The following CCDC146 variants were observed in gnomAD, a reference collection of about 807,000 sequenced individuals.
CCDC146 encodes coiled-coil domain containing 146, also known as coiled-coil domain-containing protein 146.
A neutral mutation model predicts 119.3 loss-of-function variants in CCDC146; 92 were observed. The ratio of observed to expected loss-of-function variants is 0.77; its 90% confidence interval spans 0.65 to 0.92. The LOEUF (loss-of-function observed/expected upper bound fraction) is 0.92. Ranked by LOEUF, CCDC146 falls within the 40% of genes least tolerant of loss-of-function variation. The probability of loss-of-function intolerance (pLI) is 0.00; values close to 1 mark genes in which losing one functional copy is unlikely to be tolerated. For missense variants in CCDC146, 1,000 were observed against 1,103.0 expected (o/e 0.91, Z 1.32); for synonymous variants, 372 against 371.8 (o/e 1.00, Z -0.01).
chr7:77,147,961 G>T (rs1252863639), intron 1 of CCDC146, among the ~76,000 whole-genome samples: 2 of 152,234 alleles, frequency 1.3e-5, no homozygotes, highest in Non-Finnish European at 2.9e-5. Flanking sequence ...ATTTAAGTCT[G>T]CAGAGGTTTC....
chr7:77,274,324 C>T lies in CCDC146; in HGVS notation c.1270-158C>T, dbSNP rs1793583727. ...GCCTCAAGTCATCATCCTGCCTCAG[C>T]CTCCCAAAGGCTTGAATTACAGGCG... On this transcript the variant is annotated intron_variant, in intron 10 of 18. Transcript: ENST00000285871. 2.0e-5 allele frequency among the ~76,000 whole-genome samples: 3 copies of T among 152,156 alleles called. No homozygotes were observed. In the South Asian group the frequency reaches 6.2e-4, roughly 32 times the overall value.
intron 2 of CCDC146, among the ~76,000 whole-genome samples, chr7:77,187,597 A>G (rs971894776): frequency 6.6e-6 from 1 of 152,184 alleles, no homozygotes; most frequent in South Asian, 2.1e-4. Flanking sequence ...TGGTGTCCTC[A>G]TGGTCACACA....
chr7:77,253,109 T>G (rs4729253), intron 4 of CCDC146, among the ~76,000 whole-genome samples: 11,267 of 152,292 alleles, frequency 0.074, 761 homozygotes, highest in East Asian at 0.28. Context: ...CCACCTGGAC[T>G]GCTTATGAGT....
intron 4 of CCDC146, among the ~76,000 whole-genome samples, chr7:77,243,272 T>C (rs17149272): frequency 0.025 from 3,801 of 152,238 alleles, 145 homozygotes; most frequent in East Asian, 0.15. Context: ...TTCACTGAGA[T>C]GGGAAGGAGA....
At chr7:77,292,474 G>A (rs1440452254) in intron 17 of CCDC146, among the ~76,000 whole-genome samples, 3 of 151,144 alleles carry the variant, frequency 2.0e-5, no homozygotes, top group African/African-American at 7.3e-5. Flanking sequence ...AAAATTAGCC[G>A]GGTATGGTGT....
intron 14 of CCDC146, 146 bp from the exon 15 acceptor site, chr7:77,282,411 T>C: frequency 1.6e-6 from 1 of 613,764 alleles, no homozygotes; most frequent in South Asian, 2.2e-5. Flanking sequence ...GTAATTTAAC[T>C]AGAAAGCCAT....
intron 2 of CCDC146, among the ~76,000 whole-genome samples, chr7:77,207,223 T>C (rs1460475584): frequency 6.6e-6 from 1 of 152,214 alleles, no homozygotes; most frequent in Non-Finnish European, 1.5e-5. Flanking sequence ...CATTCTGAGG[T>C]ATAGCATTAT....
intron 2 of CCDC146, among the ~76,000 whole-genome samples, chr7:77,178,923 C>G (rs1791540406): frequency 1.3e-5 from 2 of 151,964 alleles, no homozygotes; most frequent in Non-Finnish European, 2.9e-5. Context: ...AATAAAATAC[C>G]TTTTTCAACA....
chr7:77,173,734 G>A (rs993441314), intron 2 of CCDC146, among the ~76,000 whole-genome samples: 24 of 152,120 alleles, frequency 1.6e-4, no homozygotes, highest in Admixed American at 4.6e-4. Context: ...GGCCATTGCT[G>A]CGTAACTATG....
intron 1 of CCDC146, among the ~76,000 whole-genome samples, chr7:77,160,174 T>G (rs1394083948): frequency 1.3e-5 from 2 of 152,202 alleles, no homozygotes; most frequent in African/African-American, 2.4e-5. Context: ...TACTGTAGCC[T>G]TGTAGTATAG....
At chr7:77,259,982 GTGTGT>G in intron 7 of CCDC146, 22 bp from the exon 8 acceptor site, 1 of 820,696 alleles carries the variant, frequency 1.2e-6, no homozygotes, top group East Asian at 2.5e-5. Context: ...GTGTGTGTGT[GTGTGT>G]GTGTGTGTGT....
At chr7:77,144,752 T>G (rs1442648777) in intron 1 of CCDC146, among the ~76,000 whole-genome samples, 1 of 151,888 alleles carries the variant, frequency 6.6e-6, no homozygotes, top group African/African-American at 2.4e-5. Context: ...CAGCCTTGCA[T>G]TCCAGGGATG....
intron 2 of CCDC146, among the ~76,000 whole-genome samples, chr7:77,212,588 T>C (rs893032021): frequency 2.4e-5 from 3 of 122,480 alleles, no homozygotes; most frequent in African/African-American, 9.8e-5. Flanking sequence ...GCCACTGCAC[T>C]CCAGCCTGGG....
intron 1 of CCDC146, among the ~76,000 whole-genome samples, chr7:77,132,568 A>AAAG (rs1554345366): frequency 3.5e-5 from 5 of 142,816 alleles, no homozygotes; most frequent in Non-Finnish European, 7.7e-5. Flanking sequence ...AAAAAAAAAA[A>AAAG]AAAGAAAGAA....
rs753077564 is a variant in CCDC146, at chr7:77,278,921, C to T, written c.1530-16C>T. On this transcript the variant is annotated splice_polypyrimidine_tract_variant and intron_variant, in intron 12 of 18. Transcript: ENST00000285871. ...TTCATTTCATAAGTTTCAGTAAACA[C>T]TTTGTATTTTTACAGACTGAGAGAG... 6.2e-7 allele frequency: 1 copy of T among 1,605,830 alleles called. No homozygotes were observed. The highest frequency in any genetic ancestry group is 8.5e-7 in the Non-Finnish European group (1 of 1,176,170).
Position 77,278,846 on chromosome 7 carries a change from G to GTAAT in CCDC146, c.1529+9_1529+12dup. On this transcript the variant is annotated splice_region_variant and intron_variant, in intron 12 of 18. Coordinates refer to ENST00000285871, the MANE Select transcript of CCDC146 (RefSeq NM_020879.3). ...AAATGTGAAATTTATCGGAGGTAAAGTAATTATGTGGTGTTTTATCTACGT... is the reference window on the plus strand; with the variant it reads ...AAATGTGAAATTTATCGGAGGTAAAGTAATTAATTATGTGGTGTTTTATCTACGT... 6.2e-7 allele frequency: 1 copy of GTAAT among 1,607,298 alleles called. No homozygotes were observed. The highest frequency in any genetic ancestry group is 8.5e-7 in the Non-Finnish European group (1 of 1,174,482).
intron 9 of CCDC146, among the ~76,000 whole-genome samples, chr7:77,263,199 C>A (rs779957794): frequency 2.0e-5 from 3 of 152,158 alleles, no homozygotes; most frequent in Non-Finnish European, 4.4e-5. Context: ...TCCTTGCACC[C>A]TTTGCAGTTG....
At chr7:77,271,783 A>G (rs537518558) in intron 9 of CCDC146, among the ~76,000 whole-genome samples, 69 of 152,078 alleles carry the variant, frequency 4.5e-4, no homozygotes, top group Non-Finnish European at 8.8e-4. Context: ...TCAAAAATGA[A>G]TACAATTTAT....
At chr7:77,205,962 A>G (rs1792073152) in intron 2 of CCDC146, among the ~76,000 whole-genome samples, 1 of 152,234 alleles carries the variant, frequency 6.6e-6, no homozygotes, top group African/African-American at 2.4e-5. Context: ...AATAGACTGC[A>G]AAGTGGATAC....
Sources: allele counts gnomAD v4.1 joint callset (sites outside exome capture counted in the v4.1 genomes callset), GRCh38; gene constraint gnomAD v4.1.1; transcripts MANE v1.5; gene names NCBI Gene and HGNC (gene_info 2026-07-23, HGNC 2026-07-21).